The following AGAP3 variants were observed in gnomAD, a reference collection of about 807,000 sequenced individuals.
AGAP3 encodes arf-GAP with GTPase, ANK repeat and PH domain-containing protein 3.
A neutral mutation model predicts 96.9 loss-of-function variants in AGAP3; 24 were observed. The ratio of observed to expected loss-of-function variants is 0.25; its 90% CI spans 0.18 to 0.35. AGAP3 has a LOEUF of 0.35. AGAP3 is among the 10% of genes least tolerant of loss of function. The pLI is 1.00. For missense variants in AGAP3, 876 were observed against 1,254.2 expected (o/e 0.70, Z 4.55); for synonymous variants, 563 against 536.1 (o/e 1.05, Z -0.69).
rs113646558 is a variant in AGAP3 at position 151,111,021 on chromosome 7, C to T, written c.332-5772C>T. Reference sequence around the variant, plus strand: ...GGCCCCACTGGGGAGGCATCCTGAGCGCTCTCCCCCCGCCCCCCGTCTTCT... The same window carrying T: ...GGCCCCACTGGGGAGGCATCCTGAGTGCTCTCCCCCCGCCCCCCGTCTTCT... On this transcript the variant is annotated intron_variant, in intron 1 of 17. Transcript: ENST00000397238. Among the ~76,000 whole-genome samples the T allele has an allele frequency of 6.3e-3, 965 of 152,252 alleles. 5 individuals carry two copies. The highest frequency in any genetic ancestry group is 0.017 in the African/African-American group (717 of 41,546).
intron 9 of AGAP3, 73 bp from the exon 10 acceptor site, chr7:151,128,507 G>C (rs182713434): frequency 7.6e-7 from 1 of 1,310,586 alleles, no homozygotes; most frequent in East Asian, 2.3e-5. Flanking sequence ...ATTGCCTGAC[G>C]ACATCGTGAC....
At position 151,114,902 on chromosome 7, in the gene AGAP3, G is replaced by A; in HGVS notation, c.332-1891G>A. 2.0e-6 allele frequency: 2 copies of A among 996,026 alleles called. No homozygotes were observed. Among genetic ancestry groups the A allele is most frequent in the Non-Finnish European group, 2.4e-6 (2 of 839,666 alleles). 61.7% of individuals were successfully genotyped at this position (996,026 alleles called of 1,614,324 possible). On this transcript the variant is annotated intron_variant, in intron 1 of 17. Transcript: ENST00000397238. This position sits in a 1 kb window ranked among gnomAD's most constrained non-coding sequence, Gnocchi z 4.4. ...CCGGCCGCGCTGCCGCCGCCCTGCA[G>A]GCCGCCCTCTGCGCCGCCAGTGAGC... is the stretch of plus-strand genomic sequence containing the variant.
At chr7:151,122,298 G>A (rs531589658) in intron 8 of AGAP3, among the ~76,000 whole-genome samples, 108 of 152,288 alleles carry the variant, frequency 7.1e-4, no homozygotes, top group African/African-American at 2.3e-3. Flanking sequence ...GCTCTCCGGC[G>A]GCTCTTTTGC....
intron 1 of AGAP3, among the ~76,000 whole-genome samples, chr7:151,088,617 C>T (rs1475913333): frequency 3.9e-5 from 6 of 152,340 alleles, no homozygotes; most frequent in African/African-American, 4.8e-5. Context: ...TTCTGGAGGG[C>T]GACAAGCCTC....
intron 8 of AGAP3, among the ~76,000 whole-genome samples, chr7:151,121,719 T>A (rs1238424513): frequency 6.6e-6 from 1 of 152,102 alleles, no homozygotes; most frequent in Non-Finnish European, 1.5e-5. Flanking sequence ...CTCTCCATCC[T>A]CACAGCGGCG....
At chr7:151,137,311 C>T (rs1322013759) in intron 11 of AGAP3, among the ~76,000 whole-genome samples, 1 of 152,254 alleles carries the variant, frequency 6.6e-6, no homozygotes, top group African/African-American at 2.4e-5. Context: ...GCGGGCTCCT[C>T]CGCTTCAAGG....
In AGAP3 at chr7:151,108,600, C is replaced by T; in HGVS notation, c.332-8193C>T. 6.6e-6 allele frequency among the ~76,000 whole-genome samples: 1 copy of T among 152,240 alleles called. No homozygotes were observed. The highest frequency in any genetic ancestry group is 1.9e-4 in the East Asian group (1 of 5,198). On this transcript the variant is annotated intron_variant, in intron 1 of 17. Transcript: ENST00000397238. The surrounding 1 kb of genome is among the most constrained non-coding windows in gnomAD (Gnocchi z 4.2). ...CTTCGGAGGGTCCCAAGGATGTAGG[C>T]TGGGTCCTACGCCAGTCCAGACTGC...
Position 151,141,247 on chromosome 7 carries a change from T to G in AGAP3, c.1805-651T>G, listed in dbSNP as rs564532430. On this transcript the variant is annotated intron_variant, in intron 13 of 17. Transcript: ENST00000397238. The surrounding 1 kb of genome is among the most constrained non-coding windows in gnomAD (Gnocchi z 4.2). ...AGAGCTTGGAAGAGCTTCACCACATTGCTTGGGTTCACAGTCCAGCCCTCA... is the reference window on the plus strand; with the variant it reads ...AGAGCTTGGAAGAGCTTCACCACATGGCTTGGGTTCACAGTCCAGCCCTCA... 6.5e-6 allele frequency: 1 copy of G among 152,814 alleles called. No individual in the cohort carries two copies. The highest frequency in any genetic ancestry group is 2.4e-5 in the African/African-American group (1 of 41,540). The allele number at this position is 152,814 out of a possible 1,614,324, so 9.5% of individuals were successfully genotyped here.
intron 11 of AGAP3, among the ~76,000 whole-genome samples, chr7:151,137,357 A>G (rs551400392): frequency 7.6e-4 from 115 of 152,268 alleles, no homozygotes; most frequent in Non-Finnish European, 1.4e-3. Flanking sequence ...GTGTTCTTAG[A>G]CCGCCTGGGG....
At chr7:151,131,532 C>T (rs1450540639) in intron 10 of AGAP3, among the ~76,000 whole-genome samples, 2 of 152,200 alleles carry the variant, frequency 1.3e-5, no homozygotes, top group East Asian at 1.9e-4. Flanking sequence ...CGGAGGGAAA[C>T]GCTGCTGCCT....
At chr7:151,107,136 C>G (rs537761377) in intron 1 of AGAP3, among the ~76,000 whole-genome samples, 2 of 151,850 alleles carry the variant, frequency 1.3e-5, no homozygotes, top group African/African-American at 4.8e-5. Context: ...ATGGTGAAAC[C>G]CCGTCTCTAC....
intron 8 of AGAP3, chr7:151,120,378 A>C (rs1799821292): frequency 1.5e-6 from 1 of 655,920 alleles, no homozygotes; most frequent in African/African-American, 1.8e-5. Context: ...CCCTGTCCCC[A>C]CAGTCCTCCC....
intron 1 of AGAP3, among the ~76,000 whole-genome samples, chr7:151,111,108 G>A (rs532801749): frequency 2.0e-5 from 3 of 152,180 alleles, no homozygotes; most frequent in Non-Finnish European, 4.4e-5. Flanking sequence ...CCTGGGGGGC[G>A]AAGGGGTCTT....
At chr7:151,121,684 C>G (rs960951669) in intron 8 of AGAP3, among the ~76,000 whole-genome samples, 1 of 152,176 alleles carries the variant, frequency 6.6e-6, no homozygotes, top group Non-Finnish European at 1.5e-5. Context: ...GCTCACGGCA[C>G]GGCCTTCCCT....
Position 151,141,891 on chromosome 7 carries a change from C to A in AGAP3, c.1805-7C>A, listed in dbSNP as rs745660316. ...GAGCCCTGATGGCATAAACACCCCCCCAACAGAGGCAGAGGAGTCGTTTGA... is the reference window on the plus strand; with the variant it reads ...GAGCCCTGATGGCATAAACACCCCCACAACAGAGGCAGAGGAGTCGTTTGA... On this transcript the variant is annotated splice_polypyrimidine_tract_variant and splice_region_variant and intron_variant, in intron 13 of 17. Coordinates refer to ENST00000397238, the MANE Select transcript of AGAP3 (RefSeq NM_031946.7). The surrounding 1 kb of genome is among the most constrained non-coding windows in gnomAD (Gnocchi z 4.2). 4 of 1,614,142 alleles carry A rather than the reference C, an allele frequency of 2.5e-6. No homozygotes were observed. Among genetic ancestry groups the A allele is most frequent in the South Asian group, 2.2e-5 (2 of 91,080 alleles).
At chr7:151,130,609 C>T (rs1800365412) in intron 10 of AGAP3, among the ~76,000 whole-genome samples, 1 of 152,116 alleles carries the variant, frequency 6.6e-6, no homozygotes, top group Admixed American at 6.5e-5. Flanking sequence ...CTCCATGCCG[C>T]ACTTGTTGCA....
intron 1 of AGAP3, among the ~76,000 whole-genome samples, chr7:151,091,708 G>C (rs1000565288): frequency 6.6e-6 from 1 of 152,188 alleles, no homozygotes; most frequent in Non-Finnish European, 1.5e-5. Context: ...TGTCCAGCCT[G>C]ATCTCAGGCT....
At chr7:151,126,293 A>G (rs1386391332) in intron 9 of AGAP3, among the ~76,000 whole-genome samples, 3 of 151,402 alleles carry the variant, frequency 2.0e-5, no homozygotes, top group Admixed American at 1.3e-4. Flanking sequence ...TGTCGGAGAA[A>G]CCGCGCGCAG....
chr7:151,120,682 G>A (rs1261855025), intron 8 of AGAP3: 8 of 1,260,002 alleles, frequency 6.3e-6, no homozygotes, highest in African/African-American at 4.6e-5. Context: ...GCTGTGATTG[G>A]TTTAACAAAG....
Sources: allele counts gnomAD v4.1 joint callset (sites outside exome capture counted in the v4.1 genomes callset), GRCh38; gene constraint gnomAD v4.1.1; non-coding constraint Gnocchi (gnomAD v3.1); transcripts MANE v1.5; gene names NCBI Gene and HGNC (gene_info 2026-07-23, HGNC 2026-07-21).